LINGO2: variants seen among roughly 807,000 people sequenced by gnomAD.
The protein encoded by LINGO2 is leucine-rich repeat and immunoglobulin-like domain-containing nogo receptor-interacting protein 2.
In LINGO2, 14 loss-of-function variants were observed where a neutral mutation model predicts 30.6. The ratio of observed to expected loss-of-function variants is 0.46; its 90% CI spans 0.30 to 0.72. The LOEUF is 0.72. LINGO2 is among the 30% of genes least tolerant of loss of function. The pLI is 0.07. For synonymous variants in LINGO2, 317 were observed against 288.5 expected, an observed-to-expected ratio of 1.10 and a Z score of -1.00; for missense variants, 729 against 751.7, an observed-to-expected ratio of 0.97 and a Z score of 0.35.
the LINGO2 span, among the ~76,000 whole-genome samples, chr9:29,198,774 C>T: frequency 6.6e-6 from 1 of 152,102 alleles, no homozygotes; most frequent in Admixed American, 6.6e-5. Flanking sequence ...TGCTGAAAGA[C>T]ATTTCAAATT....
intron 1 of LINGO2, among the ~76,000 whole-genome samples, chr9:28,636,720 A>G (rs1044229914): frequency 2.6e-5 from 4 of 152,106 alleles, no homozygotes; most frequent in African/African-American, 9.7e-5. Context: ...TCTGGATATT[A>G]GTGCTTTGTC....
At chr9:28,609,740 C>T (rs575282049) in intron 1 of LINGO2, among the ~76,000 whole-genome samples, 1 of 152,000 alleles carries the variant, frequency 6.6e-6, no homozygotes, top group Non-Finnish European at 1.5e-5. Flanking sequence ...ATTCTTTCAA[C>T]CAATTATTTG....
chr9:27,961,956 C>T (rs1819869164), intron 5 of LINGO2, among the ~76,000 whole-genome samples: 1 of 152,134 alleles, frequency 6.6e-6, no homozygotes, highest in Admixed American at 6.6e-5. Context: ...TTTAAAGCAG[C>T]ATGAGGAATT....
the LINGO2 span, among the ~76,000 whole-genome samples, chr9:29,154,788 T>C: frequency 6.6e-6 from 1 of 152,136 alleles, no homozygotes; most frequent in Non-Finnish European, 1.5e-5. Context: ...TAGTAGAAAA[T>C]ATTTATTTGT....
At chr9:28,094,698 C>T (rs1441884950) in intron 4 of LINGO2, among the ~76,000 whole-genome samples, 1 of 152,066 alleles carries the variant, frequency 6.6e-6, no homozygotes, top group Non-Finnish European at 1.5e-5. Flanking sequence ...TAATAAGCTA[C>T]AATTAGAACA....
intron 4 of LINGO2, among the ~76,000 whole-genome samples, chr9:28,086,990 T>C (rs1825934017): frequency 1.3e-5 from 2 of 152,140 alleles, no homozygotes; most frequent in South Asian, 4.1e-4. Flanking sequence ...GAGTTAGACT[T>C]GTGTGACAAT....
intron 2 of LINGO2, among the ~76,000 whole-genome samples, chr9:28,451,628 C>A (rs2135073676): frequency 6.6e-6 from 1 of 151,690 alleles, no homozygotes; most frequent in Admixed American, 6.6e-5. Context: ...ATTATGGGAG[C>A]AATATTGACA....
intron 4 of LINGO2, among the ~76,000 whole-genome samples, chr9:28,083,021 C>A (rs1402075507): frequency 6.6e-6 from 1 of 152,164 alleles, no homozygotes; most frequent in Admixed American, 6.5e-5. Flanking sequence ...TTGCACCAGT[C>A]CATGGTCCTG....
the LINGO2 span, among the ~76,000 whole-genome samples, chr9:28,942,367 T>G: frequency 6.6e-6 from 1 of 151,748 alleles, no homozygotes; most frequent in Non-Finnish European, 1.5e-5. Flanking sequence ...GTGAGGAGAG[T>G]AAGTGATGGG....
At chr9:29,000,394 T>C in the LINGO2 span, among the ~76,000 whole-genome samples, 1 of 152,092 alleles carries the variant, frequency 6.6e-6, no homozygotes, top group East Asian at 1.9e-4. Context: ...GTAACATCTT[T>C]TAGGAATGAA....
At chr9:29,191,244 T>C in the LINGO2 span, among the ~76,000 whole-genome samples, 6 of 152,130 alleles carry the variant, frequency 3.9e-5, no homozygotes, top group Non-Finnish European at 7.4e-5. Flanking sequence ...ATTCAGTCTG[T>C]TAGGTGCATT....
intron 5 of LINGO2, chr9:28,012,292 A>T (rs955991600): frequency 6.6e-6 from 1 of 152,220 alleles, no homozygotes; most frequent in African/African-American, 2.4e-5. Flanking sequence ...AGCTGGTCTC[A>T]TGAGGACTTT....
intron 4 of LINGO2, among the ~76,000 whole-genome samples, chr9:28,110,398 T>C (rs1336275898): frequency 6.6e-6 from 1 of 152,074 alleles, no homozygotes; most frequent in East Asian, 1.9e-4. Flanking sequence ...ACAAATGGGA[T>C]CTAATTAAAC....
chr9:28,493,838 G>A (rs1819474815), intron 1 of LINGO2, among the ~76,000 whole-genome samples: 1 of 152,152 alleles, frequency 6.6e-6, no homozygotes, highest in Non-Finnish European at 1.5e-5. Context: ...AGACTAGACA[G>A]GCTTAGCCTC....
exon 6 of LINGO2, chr9:27,950,547 C>T (rs1259687827): frequency 6.4e-7 from 1 of 1,565,046 alleles, no homozygotes; most frequent in Non-Finnish European, 8.7e-7. Flanking sequence ...TCTGTGACAG[C>T]TAACAGATTT....
chr9:28,553,701 T>C (rs1355692726), intron 1 of LINGO2, among the ~76,000 whole-genome samples: 2 of 151,702 alleles, frequency 1.3e-5, no homozygotes, highest in Admixed American at 6.6e-5. Context: ...AATTGTCAGA[T>C]TCACCAAAGT....
upstream of LINGO2, among the ~76,000 whole-genome samples, chr9:28,671,384 G>A (rs1829002297): frequency 6.6e-6 from 1 of 151,840 alleles, no homozygotes; most frequent in South Asian, 2.1e-4. Flanking sequence ...AAACCTAAAT[G>A]CTCATCAGTG....
At chr9:28,032,418 T>G (rs1475218557) in intron 4 of LINGO2, among the ~76,000 whole-genome samples, 1 of 151,976 alleles carries the variant, frequency 6.6e-6, no homozygotes, top group Non-Finnish European at 1.5e-5. Context: ...CCTGTCTTTG[T>G]CAACATTACA....
intron 2 of LINGO2, among the ~76,000 whole-genome samples, chr9:28,423,799 G>A (rs928141346): frequency 6.6e-6 from 1 of 152,042 alleles, no homozygotes; most frequent in East Asian, 1.9e-4. Context: ...TGAATAAGGT[G>A]TATAATATCT....
Sources: allele counts gnomAD v4.1 joint callset (sites outside exome capture counted in the v4.1 genomes callset), GRCh38; gene constraint gnomAD v4.1.1; transcripts MANE v1.5; gene names NCBI Gene and HGNC (gene_info 2026-07-23, HGNC 2026-07-21).